STIM2: variants seen among roughly 807,000 people sequenced by gnomAD.
The protein encoded by STIM2 is stromal interaction molecule 2.
In STIM2, 31 loss-of-function variants were observed where a neutral mutation model predicts 85.8. The ratio of observed to expected loss-of-function variants is 0.36; its 90% CI spans 0.27 to 0.49. The LOEUF is 0.49. Among genes scored for constraint, STIM2 ranks in the 20% least tolerant of loss-of-function variants. The pLI, the probability that STIM2 is intolerant of heterozygous loss-of-function variation, is 0.98. For missense variants in STIM2, 841 were observed against 927.6 expected, an observed-to-expected ratio of 0.91 and a Z score of 1.21; for synonymous variants, 356 against 331.1, an observed-to-expected ratio of 1.08 and a Z score of -0.82.
intron 1 of STIM2, among the ~76,000 whole-genome samples, chr4:26,896,699 A>G (rs1723722221): frequency 6.6e-6 from 1 of 152,238 alleles, no homozygotes; most frequent in Admixed American, 6.5e-5. Context: ...GAAAACTGAT[A>G]GTAGCATAAT....
intron 3 of STIM2, among the ~76,000 whole-genome samples, chr4:26,962,610 C>G (rs35569890): frequency 0.017 from 1,293 of 77,084 alleles, 12 homozygotes; most frequent in African/African-American, 0.041. Context: ...GTATGTGTGT[C>G]TGTGTCTGTG....
At chr4:26,862,541 A>G (rs2109419938) in intron 1 of STIM2, among the ~76,000 whole-genome samples, 1 of 151,876 alleles carries the variant, frequency 6.6e-6, no homozygotes, top group South Asian at 2.1e-4. Context: ...TTTCTATGAT[A>G]GGATATTTAC....
chr4:26,984,404 A>T (rs570534293), intron 3 of STIM2, among the ~76,000 whole-genome samples: 1 of 152,330 alleles, frequency 6.6e-6, no homozygotes, highest in African/African-American at 2.4e-5. Flanking sequence ...TCTGTTGCCC[A>T]GGCTGGAATG....
At chr4:27,002,492 A>G (rs1318103386) in intron 6 of STIM2, 98 bp downstream of exon 6, 1 of 901,364 alleles carries the variant, frequency 1.1e-6, no homozygotes, top group Non-Finnish European at 1.7e-6. Context: ...TTAGGTTATT[A>G]TACACATCAG....
chr4:26,885,869 A>ATATATG (rs1560194722), intron 1 of STIM2, among the ~76,000 whole-genome samples: 18 of 105,222 alleles, frequency 1.7e-4, no homozygotes, highest in South Asian at 1.2e-3. Context: ...ATATATATAT[A>ATATATG]TATATGTATA....
At chr4:26,975,950 G>A (rs766731283) in intron 3 of STIM2, among the ~76,000 whole-genome samples, 2 of 152,176 alleles carry the variant, frequency 1.3e-5, no homozygotes, top group African/African-American at 2.4e-5. Context: ...TCAAGCCTCA[G>A]CAATGGCACA....
chr4:27,020,961 C>A (rs968126363), intron 11 of STIM2: 2 of 1,525,358 alleles, frequency 1.3e-6, no homozygotes, highest in African/African-American at 2.7e-5. Flanking sequence ...CTTGACTCTC[C>A]CTTTCATTTC....
intron 3 of STIM2, among the ~76,000 whole-genome samples, chr4:26,963,653 T>C (rs930139492): frequency 3.9e-5 from 6 of 152,186 alleles, no homozygotes; most frequent in Non-Finnish European, 8.8e-5. Context: ...AAGGTTTGAT[T>C]AAATACTATA....
rs1319918742 is a variant in STIM2, at chr4:26,861,145, C to T, written c.-74C>T. 1 of 1,301,310 alleles carries T rather than the reference C, an allele frequency of 7.7e-7. No individual in the cohort carries two copies. Among genetic ancestry groups the T allele is most frequent in the Non-Finnish European group, 9.8e-7 (1 of 1,024,572 alleles). 80.6% of individuals were successfully genotyped at this position (1,301,310 alleles called of 1,614,324 possible). The stretch of plus-strand genomic sequence containing the variant: ...CCGCTGCGCTTTCACCCGGCTTCTC[C>T]TCGGCGCCTTCATCCCGCCTCGACT... On this transcript the variant is annotated 5_prime_UTR_variant, in exon 1 of 12. Coordinates refer to ENST00000467087, the MANE Select transcript of STIM2 (RefSeq NM_020860.4).
At chr4:26,962,559 A>AGTGTGTGTGTGTGT (rs34301656) in intron 3 of STIM2, among the ~76,000 whole-genome samples, 2 of 142,616 alleles carry the variant, frequency 1.4e-5, no homozygotes, top group African/African-American at 5.2e-5. Flanking sequence ...ACTTTAATGC[A>AGTGTGTGTGTGTGT]GTGTGTGTGT....
At chr4:26,869,406 G>A (rs1236216716) in intron 1 of STIM2, among the ~76,000 whole-genome samples, 2 of 152,030 alleles carry the variant, frequency 1.3e-5, no homozygotes, top group African/African-American at 2.4e-5. Flanking sequence ...AAAGCCAGTC[G>A]TTGGTGAATA....
intron 3 of STIM2, among the ~76,000 whole-genome samples, chr4:26,969,034 A>G (rs543985255): frequency 6.6e-6 from 1 of 152,230 alleles, no homozygotes; most frequent in East Asian, 1.9e-4. Context: ...CTTTTTCTTC[A>G]TGGATAATTG....
Position 27,017,935 on chromosome 4 carries a change from C to T in STIM2, c.1714C>T (p.Arg572Ter). The T allele has an allele frequency of 6.2e-7, 1 of 1,613,994 alleles. No homozygotes were observed. Among genetic ancestry groups the T allele is most frequent in the Non-Finnish European group, 8.5e-7 (1 of 1,180,018 alleles). Residue 572 changes from arginine to a stop codon, truncating the protein, a stop_gained, in exon 11 of 12, where the codon CGA becomes TGA. Transcript: ENST00000467087. LOFTEE classifies it high-confidence loss of function. ...AGTGTCAAGTTGCCCTGCGCTTTAT[C>T]GAAATGAAGAGGAGGAAGAGGCCAT...
At chr4:26,870,555 C>G (rs900405063) in intron 1 of STIM2, among the ~76,000 whole-genome samples, 2 of 152,076 alleles carry the variant, frequency 1.3e-5, no homozygotes, top group South Asian at 2.1e-4. Context: ...TTATAAATAA[C>G]TATAATTTAA....
chr4:26,938,069 A>G (rs1442087615), intron 2 of STIM2, among the ~76,000 whole-genome samples: 1 of 152,022 alleles, frequency 6.6e-6, no homozygotes, highest in Non-Finnish European at 1.5e-5. Context: ...AAATTTTTAA[A>G]TAAATTTTAA....
rs181647627 is a variant in STIM2 at position 26,978,665 on chromosome 4, T to G, written c.398-16714T>G. Among the ~76,000 whole-genome samples the G allele has an allele frequency of 7.1e-3, 1,086 of 152,324 alleles. 22 individuals are homozygous for G. The highest frequency in any genetic ancestry group is 0.025 in the African/African-American group (1,042 of 41,578). ...TAGGTCTTGTGGCCAAATCTAGATC[T>G]GCTGCTGTGACCTCCAGAATGGGGT... is the stretch of plus-strand genomic sequence containing the variant. On this transcript the variant is annotated intron_variant, in intron 3 of 11. Transcript: ENST00000467087.
chr4:26,929,723 T>C (rs1484685944), intron 2 of STIM2, among the ~76,000 whole-genome samples: 2 of 152,172 alleles, frequency 1.3e-5, no homozygotes, highest in African/African-American at 2.4e-5. Context: ...TAATATCTGA[T>C]GGCCTATTTT....
chr4:26,912,911 G>A (rs1484452311), intron 1 of STIM2, among the ~76,000 whole-genome samples: 1 of 152,122 alleles, frequency 6.6e-6, no homozygotes, highest in Admixed American at 6.5e-5. Flanking sequence ...TCTTTGTTGT[G>A]TGGGAGTTGT....
rs572849918 is a variant in STIM2 at position 26,892,529 on chromosome 4, G to T, written c.152-26975G>T. On this transcript the variant is annotated intron_variant, in intron 1 of 11. Coordinates refer to ENST00000467087, the MANE Select transcript of STIM2 (RefSeq NM_020860.4). ...AGGATTTTAACATATGAATTTTTTT[G>T]GGGGGGGACGCATATATTCAGTCCA... 4.3e-4 allele frequency among the ~76,000 whole-genome samples: 65 copies of T among 151,584 alleles called. No individual in the cohort carries two copies. In the South Asian group the frequency reaches 5.9e-3, roughly 14 times the overall value.
Sources: allele counts gnomAD v4.1 joint callset (sites outside exome capture counted in the v4.1 genomes callset), GRCh38; gene constraint gnomAD v4.1.1; transcripts MANE v1.5; gene names NCBI Gene and HGNC (gene_info 2026-07-23, HGNC 2026-07-21).